Variants in SOBP observed in about 807,000 individuals in gnomAD.
SOBP encodes sine oculis-binding protein homolog.
A neutral mutation model predicts 53.6 loss-of-function variants in SOBP; 4 were observed. The observed-to-expected ratio is 0.07, with a 90% CI of 0.04 to 0.17. The LOEUF is 0.17. SOBP is among the 10% of genes least tolerant of loss of function. SOBP has a pLI of 1.00. For missense variants in SOBP, 1,088 were observed against 1,204.7 expected, an observed-to-expected ratio of 0.90 and a Z score of 1.43; for synonymous variants, 584 against 522.6, an observed-to-expected ratio of 1.12 and a Z score of -1.60.
chr6:107,507,308 AT>A (rs1289572466), intron 3 of SOBP, among the ~76,000 whole-genome samples: 1 of 151,686 alleles, frequency 6.6e-6, no homozygotes, highest in Admixed American at 6.6e-5. Flanking sequence ...TGAGATTTAA[AT>A]TTTTTTGTTT....
intron 5 of SOBP, among the ~76,000 whole-genome samples, chr6:107,611,075 A>T (rs975739371): frequency 6.6e-6 from 1 of 152,212 alleles, no homozygotes; most frequent in Non-Finnish European, 1.5e-5. Flanking sequence ...CACCCTCCCC[A>T]GCCAACCCCA....
chr6:107,493,796 A>G (rs1450283601), intron 1 of SOBP, among the ~76,000 whole-genome samples: 1 of 152,232 alleles, frequency 6.6e-6, no homozygotes, highest in Non-Finnish European at 1.5e-5. Context: ...GGAGAAGACA[A>G]ACTGGCTGAG....
intron 6 of SOBP, among the ~76,000 whole-genome samples, chr6:107,657,698 C>T (rs888053111): frequency 5.9e-5 from 9 of 152,172 alleles, no homozygotes; most frequent in African/African-American, 2.2e-4. Flanking sequence ...CCTGCTGGGG[C>T]TGGATGCGGT....
chr6:107,542,881 G>A (rs552661884), intron 4 of SOBP, among the ~76,000 whole-genome samples: 6 of 152,038 alleles, frequency 3.9e-5, no homozygotes, highest in South Asian at 2.1e-4. Context: ...TCCCCAACCC[G>A]GTAGAGAGGT....
At chr6:107,645,125 A>G (rs988065485) in intron 6 of SOBP, among the ~76,000 whole-genome samples, 1 of 152,154 alleles carries the variant, frequency 6.6e-6, no homozygotes, top group Non-Finnish European at 1.5e-5. Context: ...CAGGTGATCA[A>G]CTTGTCCTTT....
chr6:107,538,560 C>T (rs969764846), intron 4 of SOBP, among the ~76,000 whole-genome samples: 32 of 152,186 alleles, frequency 2.1e-4, no homozygotes, highest in African/African-American at 7.5e-4. Flanking sequence ...ACCAGTGAGC[C>T]TCCTGAATCT....
intron 5 of SOBP, among the ~76,000 whole-genome samples, chr6:107,621,978 T>C (rs1163690646): frequency 2.6e-5 from 4 of 152,178 alleles, no homozygotes; most frequent in African/African-American, 9.7e-5. Flanking sequence ...AGTAGGGTAT[T>C]TTTCTCCCTC....
intron 6 of SOBP, among the ~76,000 whole-genome samples, chr6:107,657,837 T>C (rs529150093): frequency 6.8e-6 from 1 of 147,830 alleles, no homozygotes; most frequent in East Asian, 2.0e-4. Context: ...CGAGACCCTG[T>C]CTCAAAAAAA....
At chr6:107,508,129 A>G (rs1783050075) in intron 3 of SOBP, among the ~76,000 whole-genome samples, 1 of 152,210 alleles carries the variant, frequency 6.6e-6, no homozygotes, top group South Asian at 2.1e-4. Context: ...TTATTAGGGA[A>G]GATAGGTATT....
intron 4 of SOBP, among the ~76,000 whole-genome samples, chr6:107,570,428 C>T (rs578029537): frequency 3.3e-5 from 5 of 152,352 alleles, no homozygotes; most frequent in African/African-American, 1.2e-4. Context: ...AATTGAATCA[C>T]CACCTTCCTT....
chr6:107,518,454 T>TA (rs1783385029), intron 3 of SOBP, among the ~76,000 whole-genome samples: 1 of 152,226 alleles, frequency 6.6e-6, no homozygotes, highest in Non-Finnish European at 1.5e-5. Context: ...ATGCTGAACA[T>TA]ACACATATGC....
chr6:107,546,277 C>G (rs902662142), intron 4 of SOBP, among the ~76,000 whole-genome samples: 1 of 152,158 alleles, frequency 6.6e-6, no homozygotes, highest in Non-Finnish European at 1.5e-5. Flanking sequence ...CTGTATCAAT[C>G]TGTGATGTAG....
intron 3 of SOBP, among the ~76,000 whole-genome samples, chr6:107,532,506 C>T (rs578006460): frequency 5.3e-4 from 81 of 152,062 alleles, no homozygotes; most frequent in African/African-American, 1.7e-3. Flanking sequence ...ATATATTTTA[C>T]TAATTGACTC....
At chr6:107,510,343 A>G (rs185734185) in intron 3 of SOBP, among the ~76,000 whole-genome samples, 102 of 152,348 alleles carry the variant, frequency 6.7e-4, no homozygotes, top group African/African-American at 2.3e-3. Flanking sequence ...TCAAAGAGTC[A>G]GGCTATGGAC....
rs576550462 is a variant in SOBP, at chr6:107,638,884, A to G, written c.*3+3415A>G. On this transcript the variant is annotated intron_variant, in intron 6 of 6. Coordinates refer to ENST00000317357, the MANE Select transcript of SOBP (RefSeq NM_018013.4). Reference sequence around the variant, plus strand: ...TCTGCCTTTTTCATACTGTAGTACTATTTTATTATTTTTATTTTATTTTAT... The same window carrying G: ...TCTGCCTTTTTCATACTGTAGTACTGTTTTATTATTTTTATTTTATTTTAT... Among the ~76,000 whole-genome samples the G allele has an allele frequency of 3.4e-5, 5 of 147,606 alleles. No homozygotes were observed. The East Asian group carries it at 1.0e-3, about 30-fold the overall frequency.
intron 1 of SOBP, among the ~76,000 whole-genome samples, chr6:107,500,573 G>C (rs1263693122): frequency 6.6e-6 from 1 of 151,538 alleles, no homozygotes; most frequent in African/African-American, 2.4e-5. Context: ...CCAGGCTGGA[G>C]TGCAGTGGCG....
intron 4 of SOBP, among the ~76,000 whole-genome samples, chr6:107,566,494 A>G (rs1227773651): frequency 6.6e-6 from 1 of 152,210 alleles, no homozygotes; most frequent in Non-Finnish European, 1.5e-5. Context: ...CTCTTCAGGA[A>G]AGGGGGCTGG....
chr6:107,528,115 C>T (rs200117548), intron 3 of SOBP, among the ~76,000 whole-genome samples: 98 of 152,290 alleles, frequency 6.4e-4, no homozygotes, highest in African/African-American at 2.3e-3. Flanking sequence ...AAAACATATT[C>T]TTCAGAAAGA....
At chr6:107,524,365 A>G (rs1294084503) in intron 3 of SOBP, among the ~76,000 whole-genome samples, 1 of 152,198 alleles carries the variant, frequency 6.6e-6, no homozygotes, top group Non-Finnish European at 1.5e-5. Context: ...TTGCAGCATC[A>G]TTGTCCCAGG....
Sources: allele counts gnomAD v4.1 joint callset (sites outside exome capture counted in the v4.1 genomes callset), GRCh38; gene constraint gnomAD v4.1.1; transcripts MANE v1.5; gene names NCBI Gene and HGNC (gene_info 2026-07-23, HGNC 2026-07-21).